The following COX7B2 variants were observed in gnomAD, a reference collection of about 807,000 sequenced individuals.
COX7B2 encodes the protein cytochrome c oxidase subunit 7B2, mitochondrial.
For missense variants in COX7B2, 109 were observed against 95.9 expected (o/e 1.14, Z -0.57); for synonymous variants, 37 against 32.1 (o/e 1.15, Z -0.51).
At chr4:46,766,487 C>T (rs1716545816) in intron 2 of COX7B2, among the ~76,000 whole-genome samples, 1 of 151,790 alleles carries the variant, frequency 6.6e-6, no homozygotes, top group South Asian at 2.1e-4. Flanking sequence ...ATCACTTGAG[C>T]TCAGGAGTTT....
At chr4:46,816,201 C>T (rs1420747810) in intron 2 of COX7B2, among the ~76,000 whole-genome samples, 1 of 152,190 alleles carries the variant, frequency 6.6e-6, no homozygotes, top group African/African-American at 2.4e-5. Context: ...GTTTGGTATT[C>T]AATGACCTTG....
intron 2 of COX7B2, among the ~76,000 whole-genome samples, chr4:46,781,170 C>A (rs1717427746): frequency 6.6e-6 from 1 of 152,106 alleles, no homozygotes; most frequent in South Asian, 2.1e-4. Flanking sequence ...AGAGGGGGCA[C>A]AAAAGCAACA....
chr4:46,827,590 CT>C (rs781053203), intron 2 of COX7B2, among the ~76,000 whole-genome samples: 24 of 152,056 alleles, frequency 1.6e-4, no homozygotes, highest in Non-Finnish European at 2.9e-4. Flanking sequence ...AAATAAAAAC[CT>C]TTTGTGTCTT....
At chr4:46,896,766 T>C (rs924094701) in intron 1 of COX7B2, among the ~76,000 whole-genome samples, 1 of 152,214 alleles carries the variant, frequency 6.6e-6, no homozygotes, top group African/African-American at 2.4e-5. Flanking sequence ...AGGCACCCTC[T>C]GCTTTTGTTA....
intron 2 of COX7B2, among the ~76,000 whole-genome samples, chr4:46,840,453 T>C (rs969917452): frequency 3.9e-5 from 6 of 151,908 alleles, no homozygotes; most frequent in African/African-American, 1.4e-4. Flanking sequence ...TGAGGGATAG[T>C]TGGGTGCACT....
At chr4:46,907,048 AAC>A (rs1720434945) in intron 1 of COX7B2, among the ~76,000 whole-genome samples, 1 of 152,198 alleles carries the variant, frequency 6.6e-6, no homozygotes. Context: ...GTGACTTCTT[AAC>A]AGTTTCCTAT....
chr4:46,740,670 G>T (rs1222241036), intron 2 of COX7B2, among the ~76,000 whole-genome samples: 1 of 151,946 alleles, frequency 6.6e-6, no homozygotes, highest in Non-Finnish European at 1.5e-5. Context: ...TAAGATGTTA[G>T]TTAACTATTG....
chr4:46,880,343 G>C (rs1439303933), intron 1 of COX7B2, among the ~76,000 whole-genome samples: 1 of 151,022 alleles, frequency 6.6e-6, no homozygotes, highest in Non-Finnish European at 1.5e-5. Flanking sequence ...AGTTTTTGTA[G>C]GAATGGTACC....
At chr4:46,785,180 G>T (rs1303438071) in intron 2 of COX7B2, among the ~76,000 whole-genome samples, 2 of 152,116 alleles carry the variant, frequency 1.3e-5, no homozygotes, top group Non-Finnish European at 2.9e-5. Context: ...ATTGTCTCGT[G>T]TACTGACAAA....
chr4:46,803,249 C>T (rs538370708), intron 2 of COX7B2, among the ~76,000 whole-genome samples: 52 of 152,130 alleles, frequency 3.4e-4, no homozygotes, highest in Admixed American at 9.2e-4. Context: ...AGGCTTTGCG[C>T]GTAATTTCTT....
chr4:46,819,692 A>G (rs1236089569), intron 2 of COX7B2, among the ~76,000 whole-genome samples: 2 of 152,250 alleles, frequency 1.3e-5, no homozygotes. Flanking sequence ...GCAGTATATT[A>G]TTTGTGTTAA....
chr4:46,898,817 C>A (rs1296957423), intron 1 of COX7B2, among the ~76,000 whole-genome samples: 2 of 152,140 alleles, frequency 1.3e-5, no homozygotes, highest in East Asian at 3.9e-4. Flanking sequence ...ATCTGATTTG[C>A]ACTCTTTGGT....
At chr4:46,825,095 T>C (rs1714593711) in intron 2 of COX7B2, among the ~76,000 whole-genome samples, 1 of 151,890 alleles carries the variant, frequency 6.6e-6, no homozygotes, top group Admixed American at 6.6e-5. Context: ...GAAGTCAAAC[T>C]ATCTCTGCAG....
intron 1 of COX7B2, among the ~76,000 whole-genome samples, chr4:46,895,738 A>G (rs1512127): frequency 0.13 from 20,335 of 152,090 alleles, 1,482 homozygotes; most frequent in South Asian, 0.25. Flanking sequence ...TCACTTTCTT[A>G]ATTTATACAC....
At position 46,842,054 on chromosome 4, in the gene COX7B2, C is replaced by T. The variant is rs1161518606; in HGVS notation, c.-50+2906G>A. On this transcript the variant is annotated intron_variant, in intron 2 of 2. Coordinates refer to ENST00000355591, the MANE Select transcript of COX7B2 (RefSeq NM_130902.3). ...AGTTTCTAAAATTAACATTCCTTTA[C>T]CCCGATTTTATATTATTCATAAAGA... Among the ~76,000 whole-genome samples, 3 of 152,046 alleles carry T rather than the reference C, an allele frequency of 2.0e-5. No individual in the cohort carries two copies. In the East Asian group the frequency reaches 5.8e-4, roughly 29 times the overall value.
rs569579188 is a variant in COX7B2, at chr4:46,851,841, G to C, written c.-104-6827C>G. ...CAAAAATGGTTTTGTGACTTTCTTA[G>C]CGCATCAAGACCAAGGGGTTCACAT... On this transcript the variant is annotated intron_variant, in intron 1 of 2. Coordinates refer to ENST00000355591, the MANE Select transcript of COX7B2 (RefSeq NM_130902.3). Among the ~76,000 whole-genome samples the C allele has an allele frequency of 1.5e-4, 23 of 152,156 alleles. No homozygotes were observed. The East Asian group carries it at 4.4e-3, about 29-fold the overall frequency.
intron 1 of COX7B2, among the ~76,000 whole-genome samples, chr4:46,863,039 G>A (rs1717429563): frequency 2.0e-5 from 3 of 152,040 alleles, no homozygotes; most frequent in Admixed American, 2.0e-4. Flanking sequence ...AAAGAGTTCA[G>A]GATTTCTTGC....
intron 1 of COX7B2, among the ~76,000 whole-genome samples, chr4:46,904,823 G>C (rs1488292985): frequency 2.0e-5 from 3 of 152,124 alleles, no homozygotes; most frequent in Non-Finnish European, 4.4e-5. Flanking sequence ...GAGGTACAGA[G>C]CAGAGTGTGT....
chr4:46,858,962 T>G (rs530988717), intron 1 of COX7B2, among the ~76,000 whole-genome samples: 248 of 152,342 alleles, frequency 1.6e-3, no homozygotes, highest in Non-Finnish European at 3.0e-3. Context: ...ATGATTTTCC[T>G]CTCACTGTTC....
Sources: gnomAD v4.1 joint callset for allele counts (sites outside exome capture counted in the v4.1 genomes callset) on GRCh38, gnomAD v4.1.1 for gene constraint, MANE v1.5 for transcripts, NCBI Gene and HGNC (gene_info 2026-07-23, HGNC 2026-07-21) for gene names.